The following AIG1 variants were observed in gnomAD, a reference collection of about 807,000 sequenced individuals.
AIG1 encodes the protein androgen-induced gene 1 protein.
AIG1 carries 23 observed loss-of-function variants against 31.4 expected under a neutral mutation model. That is an observed-to-expected ratio of 0.73 (90% confidence interval 0.53 to 1.04). The LOEUF (loss-of-function observed/expected upper bound fraction) is 1.04. Among genes scored for constraint, AIG1 ranks in the 50% least tolerant of loss-of-function variants. The probability of loss-of-function intolerance (pLI) is 0.00; values close to 1 mark genes in which losing one functional copy is unlikely to be tolerated. For synonymous variants in AIG1, 100 were observed against 110.5 expected, an observed-to-expected ratio of 0.90 and a Z score of 0.60; for missense variants, 274 against 295.0, an observed-to-expected ratio of 0.93 and a Z score of 0.52.
rs989797451 is a variant in AIG1, at chr6:143,291,118, C to G, written c.515+6893C>G. On this transcript the variant is annotated intron_variant, in intron 4 of 5. Transcript: ENST00000357847. The surrounding 1 kb of genome is among the most constrained non-coding windows in gnomAD (Gnocchi z 4.2). ...TTTAGGAAGCTGACTCGTTAGCCTT[C>G]CTTATATCTCCTATTTAAGCAAGGA... Among the ~76,000 whole-genome samples the G allele has an allele frequency of 6.6e-6, 1 of 152,132 alleles. No homozygotes were observed. Among genetic ancestry groups the G allele is most frequent in the African/African-American group, 2.4e-5 (1 of 41,430 alleles).
intron 2 of AIG1, among the ~76,000 whole-genome samples, chr6:143,141,166 A>G (rs911215721): frequency 6.6e-6 from 1 of 152,232 alleles, no homozygotes; most frequent in Non-Finnish European, 1.5e-5. Context: ...TCAACTTTGC[A>G]CAAGTTTTCC....
At chr6:143,117,550 G>A (rs1377400745) in intron 1 of AIG1, among the ~76,000 whole-genome samples, 1 of 152,136 alleles carries the variant, frequency 6.6e-6, no homozygotes, top group Admixed American at 6.5e-5. Flanking sequence ...AGATTGTCGG[G>A]GAGAGCTCAA....
intron 1 of AIG1, among the ~76,000 whole-genome samples, chr6:143,118,168 A>G (rs1277268547): frequency 6.6e-6 from 1 of 152,144 alleles, no homozygotes; most frequent in Admixed American, 6.5e-5. Flanking sequence ...CCCGGTGAGC[A>G]CATCATGCCC....
intron 3 of AIG1, among the ~76,000 whole-genome samples, chr6:143,233,796 G>A (rs1793622792): frequency 6.6e-6 from 1 of 152,198 alleles, no homozygotes; most frequent in Non-Finnish European, 1.5e-5. Flanking sequence ...AGTTCACTAT[G>A]TGCAGAAAAC....
At chr6:143,271,021 T>C (rs140055813) in intron 3 of AIG1, among the ~76,000 whole-genome samples, 1 of 152,368 alleles carries the variant, frequency 6.6e-6, no homozygotes, top group Non-Finnish European at 1.5e-5. Flanking sequence ...TTGAGACTCA[T>C]GGTTCTCTGC....
At chr6:143,141,713 C>T (rs1303086728) in intron 2 of AIG1, among the ~76,000 whole-genome samples, 1 of 152,158 alleles carries the variant, frequency 6.6e-6, no homozygotes, top group African/African-American at 2.4e-5. Context: ...TGAACCCTGT[C>T]ACCCTTTTAA....
intron 3 of AIG1, among the ~76,000 whole-genome samples, chr6:143,267,018 G>C (rs567802066): frequency 6.6e-6 from 1 of 152,146 alleles, no homozygotes; most frequent in East Asian, 1.9e-4. Flanking sequence ...TCAGAAAAGC[G>C]ACCCAGTCCT....
intron 4 of AIG1, among the ~76,000 whole-genome samples, chr6:143,294,479 C>T (rs529834595): frequency 2.6e-5 from 4 of 152,310 alleles, no homozygotes; most frequent in African/African-American, 7.2e-5. Context: ...CACTTAACCT[C>T]TCTGTGCCTT....
chr6:143,241,486 GAA>G (rs1794237323), intron 3 of AIG1, among the ~76,000 whole-genome samples: 1 of 152,174 alleles, frequency 6.6e-6, no homozygotes, highest in African/African-American at 2.4e-5. Context: ...AGTAGCTAGG[GAA>G]AGAGTTCATT....
chr6:143,217,354 G>A (rs1792110273), intron 3 of AIG1, among the ~76,000 whole-genome samples: 1 of 152,160 alleles, frequency 6.6e-6, no homozygotes, highest in Non-Finnish European at 1.5e-5. Context: ...ATTAAATTGT[G>A]ATTATAAATT....
intron 3 of AIG1, among the ~76,000 whole-genome samples, chr6:143,181,487 C>G (rs936687749): frequency 3.3e-5 from 5 of 152,132 alleles, no homozygotes; most frequent in Non-Finnish European, 4.4e-5. Flanking sequence ...ATCATTAGTT[C>G]TAACAAGTCC....
At chr6:143,301,142 C>G (rs1798795081) in intron 4 of AIG1, among the ~76,000 whole-genome samples, 1 of 152,104 alleles carries the variant, frequency 6.6e-6, no homozygotes, top group African/African-American at 2.4e-5. Context: ...GCTTTGCAAA[C>G]CAAAGTGTAT....
intron 3 of AIG1, among the ~76,000 whole-genome samples, chr6:143,181,838 A>G (rs1364522173): frequency 1.3e-5 from 2 of 152,294 alleles, no homozygotes; most frequent in East Asian, 3.9e-4. Flanking sequence ...AGACGGCCAT[A>G]GAAAAGAGGA....
At chr6:143,222,806 G>T (rs748971907) in intron 3 of AIG1, among the ~76,000 whole-genome samples, 1 of 152,088 alleles carries the variant, frequency 6.6e-6, no homozygotes, top group African/African-American at 2.4e-5. Flanking sequence ...TGGTATTTCG[G>T]CTGGCTTCTG....
intron 1 of AIG1, among the ~76,000 whole-genome samples, chr6:143,095,185 A>G (rs1779639890): frequency 6.6e-6 from 1 of 152,206 alleles, no homozygotes. Context: ...GAAAAAGAAA[A>G]TAATGAAAGA....
At chr6:143,266,346 CA>C (rs398002969) in intron 3 of AIG1, among the ~76,000 whole-genome samples, 66 of 93,210 alleles carry the variant, frequency 7.1e-4, no homozygotes, top group Non-Finnish European at 8.9e-4. Flanking sequence ...GAGTCCGTCT[CA>C]AAAAAAAAAA....
At chr6:143,099,903 C>A (rs1452946300) in intron 1 of AIG1, among the ~76,000 whole-genome samples, 2 of 152,154 alleles carry the variant, frequency 1.3e-5, no homozygotes, top group East Asian at 3.8e-4. Context: ...ATTTCACCTG[C>A]TTTGTTGTTT....
At position 143,192,249 on chromosome 6, in the gene AIG1, A is replaced by G. The variant is rs117106949; in HGVS notation, c.399+27066A>G. ...CCTCTGCCGCCATGCATGTGCTTCA[A>G]TCTGGTCACTAAAAAGCCACATCCT... On this transcript the variant is annotated intron_variant, in intron 3 of 5. Transcript: ENST00000357847. Among the ~76,000 whole-genome samples, 247 of 152,322 alleles carry G rather than the reference A, an allele frequency of 1.6e-3. 2 individuals are homozygous for G. Among genetic ancestry groups the G allele is most frequent in the Non-Finnish European group, 2.4e-3 (165 of 68,018 alleles).
intron 3 of AIG1, among the ~76,000 whole-genome samples, chr6:143,226,224 T>G: frequency 6.6e-6 from 1 of 150,724 alleles, no homozygotes; most frequent in East Asian, 2.0e-4. Context: ...ACACATTCCA[T>G]TCTTCTTAAC....
Sources: allele counts gnomAD v4.1 joint callset (sites outside exome capture counted in the v4.1 genomes callset), GRCh38; gene constraint gnomAD v4.1.1; non-coding constraint Gnocchi (gnomAD v3.1); transcripts MANE v1.5; gene names NCBI Gene and HGNC (gene_info 2026-07-23, HGNC 2026-07-21).